The following CDH18 variants were observed in gnomAD, a reference collection of about 807,000 sequenced individuals.
The protein encoded by CDH18 is cadherin-18.
In CDH18, 31 loss-of-function variants were observed where a neutral mutation model predicts 67.9. The ratio of observed to expected loss-of-function variants is 0.46; its 90% CI spans 0.34 to 0.62. The LOEUF (loss-of-function observed/expected upper bound fraction) is 0.62. Among genes scored for constraint, CDH18 ranks in the 20% least tolerant of loss-of-function variants. The pLI is 0.01. For missense variants in CDH18, 890 were observed against 975.5 expected (o/e 0.91, Z 1.17); for synonymous variants, 362 against 347.2 (o/e 1.04, Z -0.48).
At position 20,519,695 on chromosome 5, in the gene CDH18, C is replaced by T. The variant is rs1196972879; in HGVS notation, c.-580+55767G>A. The stretch of plus-strand genomic sequence containing the variant: ...CATTTGTCCTTTGTGAGATTGTTTG[C>T]GGTTGAAATCCCATTTATCCAAGTG... On this transcript the variant is annotated intron_variant, in intron 1 of 14. Coordinates refer to the CDH18 transcript ENST00000507958. Among the ~76,000 whole-genome samples the T allele has an allele frequency of 6.8e-5, 10 of 146,522 alleles. No homozygotes were observed. The South Asian group carries it at 2.1e-3, about 30-fold the overall frequency.
In CDH18 at chr5:19,953,669, T is replaced by C. The variant is rs1379420616; in HGVS notation, c.-257+27391A>G. Reference sequence around the variant, plus strand: ...TATCTTTAGCGTTGACATAATGATATATAGTTTGTTTCCTGAAGTAGATTT... The same window carrying C: ...TATCTTTAGCGTTGACATAATGATACATAGTTTGTTTCCTGAAGTAGATTT... On this transcript the variant is annotated intron_variant, in intron 2 of 12. Coordinates refer to ENST00000382275, the MANE Select transcript of CDH18 (RefSeq NM_004934.5). 3.9e-5 allele frequency among the ~76,000 whole-genome samples: 6 copies of C among 152,180 alleles called. No individual in the cohort carries two copies. In the South Asian group the frequency reaches 1.0e-3, roughly 26 times the overall value.
rs975298762 is a variant in CDH18, at chr5:19,666,578, G to T, written c.644-53977C>A. On this transcript the variant is annotated intron_variant, in intron 5 of 12. Coordinates refer to ENST00000382275, the MANE Select transcript of CDH18 (RefSeq NM_004934.5). ...AAATTATGGCCATTGAATCTGGACAGGTTGAACTTGTGGTATAGGTAAAAA... is the reference window on the plus strand; with the variant it reads ...AAATTATGGCCATTGAATCTGGACATGTTGAACTTGTGGTATAGGTAAAAA... Among the ~76,000 whole-genome samples the T allele has an allele frequency of 3.4e-4, 52 of 151,966 alleles. 1 individual carries two copies. Among genetic ancestry groups the T allele is most frequent in the Admixed American group, 2.0e-3 (31 of 15,214 alleles).
chr5:20,211,392 G>A (rs574880670), intron 2 of CDH18, among the ~76,000 whole-genome samples: 2 of 152,228 alleles, frequency 1.3e-5, no homozygotes, highest in East Asian at 3.9e-4. Flanking sequence ...GAAGAGAGTA[G>A]TGGTTCTCCC....
rs146412516 is a variant in CDH18 at position 20,273,240 on chromosome 5, A to G, written c.-579-17735T>C. On this transcript the variant is annotated intron_variant, in intron 1 of 14. Transcript: ENST00000507958. ...AATATCGGGACCTAGCATAGACAAT[A>G]TGGTGCCTATAAATATTATTAAAAC... is the stretch of plus-strand genomic sequence containing the variant. Among the ~76,000 whole-genome samples the G allele has an allele frequency of 3.3e-3, 497 of 152,164 alleles. 2 individuals carry two copies. Among genetic ancestry groups the G allele is most frequent in the African/African-American group, 0.012 (478 of 41,550 alleles).
At chr5:20,531,281 A>G (rs952729997) in intron 1 of CDH18, among the ~76,000 whole-genome samples, 2 of 152,136 alleles carry the variant, frequency 1.3e-5, no homozygotes, top group Non-Finnish European at 2.9e-5. Context: ...ATGCTTTTAC[A>G]CTGTTGGTGG....
intron 3 of CDH18, among the ~76,000 whole-genome samples, chr5:19,749,508 A>T (rs1201942892): frequency 1.3e-5 from 2 of 151,302 alleles, no homozygotes; most frequent in African/African-American, 4.8e-5. Flanking sequence ...AGTGAAATTA[A>T]TTTGATGTCA....
chr5:19,987,431 A>G (rs1211918356), intron 1 of CDH18, among the ~76,000 whole-genome samples: 1 of 152,164 alleles, frequency 6.6e-6, no homozygotes, highest in African/African-American at 2.4e-5. Context: ...TGATCACAGG[A>G]GCCTACCTAA....
chr5:20,457,300 T>G (rs1750900543), intron 1 of CDH18, among the ~76,000 whole-genome samples: 2 of 152,186 alleles, frequency 1.3e-5, no homozygotes, highest in Admixed American at 1.3e-4. Flanking sequence ...ATGTAAAAAT[T>G]GCTGATGTTC....
chr5:19,590,696 AC>A (rs527842975), intron 7 of CDH18, among the ~76,000 whole-genome samples: 10 of 152,088 alleles, frequency 6.6e-5, no homozygotes, highest in Admixed American at 2.6e-4. Context: ...CAGAATCACC[AC>A]AGCTTTATTA....
At chr5:19,764,690 C>CAT (rs1387287260) in intron 3 of CDH18, among the ~76,000 whole-genome samples, 1 of 150,038 alleles carries the variant, frequency 6.7e-6, no homozygotes, top group South Asian at 2.1e-4. Flanking sequence ...TCTTTATAAC[C>CAT]ATATATGTGT....
At chr5:19,898,588 G>A (rs1419551343) in intron 2 of CDH18, among the ~76,000 whole-genome samples, 1 of 151,772 alleles carries the variant, frequency 6.6e-6, no homozygotes, top group Non-Finnish European at 1.5e-5. Flanking sequence ...TATGGAGTGA[G>A]TAAAAATCAT....
At chr5:20,003,576 AT>A (rs1736625077) in intron 2 of CDH18, among the ~76,000 whole-genome samples, 2 of 152,140 alleles carry the variant, frequency 1.3e-5, no homozygotes, top group Admixed American at 6.5e-5. Context: ...CTAACAAATG[AT>A]TTTATATCAA....
At chr5:19,724,678 C>T (rs1205037255) in intron 4 of CDH18, among the ~76,000 whole-genome samples, 1 of 151,986 alleles carries the variant, frequency 6.6e-6, no homozygotes, top group Non-Finnish European at 1.5e-5. Context: ...AAAATGTTAC[C>T]ATTACATGCA....
At chr5:20,395,116 T>G (rs1745182086) in intron 1 of CDH18, among the ~76,000 whole-genome samples, 1 of 152,120 alleles carries the variant, frequency 6.6e-6, no homozygotes, top group South Asian at 2.1e-4. Context: ...AAATAAGTCA[T>G]TATAGCCAAA....
intron 2 of CDH18, among the ~76,000 whole-genome samples, chr5:20,186,855 C>A (rs1386405085): frequency 6.6e-6 from 1 of 151,778 alleles, no homozygotes; most frequent in Non-Finnish European, 1.5e-5. Flanking sequence ...ATGGTTATAG[C>A]AGCATTATTC....
rs147648419 is a variant in CDH18, at chr5:19,562,801, G to A, written c.1253+8778C>T. ...GAAGTAAATGCATAGATAAATTCAG[G>A]TTATAAATCAAGATGCAAAAGAAGG... On this transcript the variant is annotated intron_variant, in intron 8 of 12. Coordinates refer to ENST00000382275, the MANE Select transcript of CDH18 (RefSeq NM_004934.5). 3.3e-5 allele frequency among the ~76,000 whole-genome samples: 5 copies of A among 152,172 alleles called. No homozygotes were observed. In the East Asian group the frequency reaches 7.7e-4, roughly 24 times the overall value.
intron 2 of CDH18, among the ~76,000 whole-genome samples, chr5:20,209,089 G>A (rs56872875): frequency 0.51 from 77,495 of 151,866 alleles, 20,166 homozygotes; most frequent in Middle Eastern, 0.65. Context: ...TTAAAAAGAC[G>A]GGGAAGAACA....
intron 1 of CDH18, among the ~76,000 whole-genome samples, chr5:20,425,105 CGCCTATAATCCCA>C (rs1190198777): frequency 1.3e-5 from 2 of 151,020 alleles, no homozygotes; most frequent in Non-Finnish European, 2.9e-5. Context: ...CGGTGACTCA[CGCCTATAATCCCA>C]GCACTTTGGG....
chr5:20,135,296 A>T (rs953798599), intron 2 of CDH18, among the ~76,000 whole-genome samples: 65 of 152,046 alleles, frequency 4.3e-4, no homozygotes, highest in African/African-American at 1.5e-3. Flanking sequence ...CAGGGATTCG[A>T]CTTCTTCCTG....
Sources: allele counts gnomAD v4.1 joint callset (sites outside exome capture counted in the v4.1 genomes callset), GRCh38; gene constraint gnomAD v4.1.1; transcripts MANE v1.5; gene names NCBI Gene and HGNC (gene_info 2026-07-23, HGNC 2026-07-21).